The following KDM4C variants were observed in gnomAD, a reference collection of about 807,000 sequenced individuals.
KDM4C encodes the protein lysine-specific demethylase 4C.
A neutral mutation model predicts 129.3 loss-of-function variants in KDM4C; 81 were observed. The observed-to-expected ratio is 0.63, with a 90% CI of 0.52 to 0.75. The LOEUF (loss-of-function observed/expected upper bound fraction) is 0.75. Ranked by LOEUF, KDM4C falls within the 30% of genes least tolerant of loss-of-function variation. The pLI, the probability that KDM4C is intolerant of heterozygous loss-of-function variation, is 0.00. For missense variants in KDM4C, 1,457 were observed against 1,304.0 expected, an observed-to-expected ratio of 1.12 and a Z score of -1.81; for synonymous variants, 573 against 456.1, an observed-to-expected ratio of 1.26 and a Z score of -3.26.
chr9:6,983,505 G>T (rs975653799), intron 9 of KDM4C, among the ~76,000 whole-genome samples: 2 of 151,802 alleles, frequency 1.3e-5, no homozygotes, highest in Non-Finnish European at 1.5e-5. Flanking sequence ...GGGAGGCAGT[G>T]GGGGAGGATC....
intron 17 of KDM4C, among the ~76,000 whole-genome samples, chr9:7,070,279 A>G (rs1204448692): frequency 4.6e-5 from 7 of 152,328 alleles, no homozygotes; most frequent in African/African-American, 1.7e-4. Context: ...TCATTGGTGT[A>G]TTGTAAATTT....
chr9:6,949,024 G>C (rs1326943224), intron 8 of KDM4C, among the ~76,000 whole-genome samples: 2 of 152,146 alleles, frequency 1.3e-5, no homozygotes, highest in African/African-American at 2.4e-5. Context: ...GGTGGCGGCC[G>C]GGCAGAGGGG....
chr9:6,984,548 C>A (rs1012362918), intron 10 of KDM4C, 144 bp downstream of exon 10: 14 of 624,850 alleles, frequency 2.2e-5, no homozygotes, highest in African/African-American at 5.5e-5. Context: ...GTAACTCAAC[C>A]AATAGTCCCA....
At chr9:6,730,203 C>G (rs1817275007) in intron 1 of KDM4C, among the ~76,000 whole-genome samples, 1 of 152,150 alleles carries the variant, frequency 6.6e-6, no homozygotes, top group African/African-American at 2.4e-5. Context: ...GAAGAAAAAG[C>G]AACAGGGCTT....
At chr9:6,779,032 CTTTT>C (rs60503128) in intron 1 of KDM4C, among the ~76,000 whole-genome samples, 1 of 94,624 alleles carries the variant, frequency 1.1e-5, no homozygotes, top group Non-Finnish European at 1.9e-5. Context: ...TGATTAAAGT[CTTTT>C]TTTTTTTTTT....
intron 1 of KDM4C, among the ~76,000 whole-genome samples, chr9:6,741,917 GT>G (rs1013169067): frequency 2.7e-5 from 4 of 149,354 alleles, no homozygotes; most frequent in African/African-American, 9.9e-5. Flanking sequence ...CACAAATACA[GT>G]TTTTTCTTTT....
intron 1 of KDM4C, among the ~76,000 whole-genome samples, chr9:6,740,621 C>T (rs949704630): frequency 3.9e-5 from 6 of 152,038 alleles, no homozygotes; most frequent in South Asian, 2.1e-4. Context: ...TGGGTTCAAG[C>T]GATTCTCCTG....
At chr9:7,070,073 A>T (rs923917312) in intron 17 of KDM4C, among the ~76,000 whole-genome samples, 3 of 152,230 alleles carry the variant, frequency 2.0e-5, no homozygotes, top group South Asian at 4.1e-4. Context: ...GGAACAACAA[A>T]CAGACTGACA....
chr9:6,874,838 C>T (rs982976532), intron 5 of KDM4C, among the ~76,000 whole-genome samples: 2 of 151,820 alleles, frequency 1.3e-5, no homozygotes, highest in Non-Finnish European at 2.9e-5. Flanking sequence ...GCCTGTAATC[C>T]CAGCACTTTG....
chr9:7,013,669 A>G (rs1274717910), intron 13 of KDM4C, 119 bp from the exon 14 acceptor site: 2 of 914,590 alleles, frequency 2.2e-6, no homozygotes, highest in African/African-American at 3.4e-5. Flanking sequence ...CAAGGAGAAC[A>G]ACAGGAAGAA....
Position 6,742,739 on chromosome 9 carries a change from G to A in KDM4C, c.49+21742G>A, listed in dbSNP as rs970096578. 2.6e-5 allele frequency among the ~76,000 whole-genome samples: 4 copies of A among 151,594 alleles called. No individual in the cohort carries two copies. The South Asian group carries it at 6.2e-4, about 24-fold the overall frequency. On this transcript the variant is annotated intron_variant, in intron 1 of 17. Transcript: ENST00000536108. ...TGAGTAGGCTGGAGGGCAGTGGGGC[G>A]ATCTAAGAATCGCTTGAACCCCGGG...
At chr9:7,010,966 C>A (rs1254570467) in intron 12 of KDM4C, among the ~76,000 whole-genome samples, 3 of 152,090 alleles carry the variant, frequency 2.0e-5, no homozygotes, top group African/African-American at 7.2e-5. Context: ...ATGGCTTGAA[C>A]CCTGGAGGCG....
At chr9:6,754,824 G>A (rs140977764), upstream of KDM4C, among the ~76,000 whole-genome samples, 1,222 of 147,982 alleles carry the variant, frequency 8.3e-3, 19 homozygotes, top group African/African-American at 0.029. Context: ...GTATTGAGCC[G>A]TGATAGTGCC....
chr9:6,872,457 T>C (rs1221232176), intron 5 of KDM4C, among the ~76,000 whole-genome samples: 2 of 152,214 alleles, frequency 1.3e-5, no homozygotes, highest in African/African-American at 2.4e-5. Context: ...CTGTCTAATA[T>C]TAATAGTGGG....
At chr9:6,809,581 C>G (rs1485050279) in intron 3 of KDM4C, among the ~76,000 whole-genome samples, 1 of 152,190 alleles carries the variant, frequency 6.6e-6, no homozygotes, top group Non-Finnish European at 1.5e-5. Context: ...CAAAGGAATA[C>G]AAGGCTTCTG....
chr9:7,002,895 A>G (rs1011459212), intron 12 of KDM4C, among the ~76,000 whole-genome samples: 3 of 152,152 alleles, frequency 2.0e-5, no homozygotes. Context: ...GACTATTGCT[A>G]TGTCTGCCAG....
At chr9:6,979,486 G>A (rs1816388245) in intron 8 of KDM4C, among the ~76,000 whole-genome samples, 1 of 152,174 alleles carries the variant, frequency 6.6e-6, no homozygotes, top group Non-Finnish European at 1.5e-5. Flanking sequence ...GAATATACAT[G>A]TTGACTTGCT....
chr9:6,876,420 C>T (rs1843563442), intron 5 of KDM4C, among the ~76,000 whole-genome samples: 1 of 152,152 alleles, frequency 6.6e-6, no homozygotes, highest in African/African-American at 2.4e-5. Flanking sequence ...GTGAGGTAGA[C>T]TAGGTCTGAC....
In KDM4C at chr9:7,096,258, T is replaced by G; in HGVS notation, c.2425-7427T>G. Among the ~76,000 whole-genome samples, 2 of 152,356 alleles carry G rather than the reference T, an allele frequency of 1.3e-5. 1 individual carries two copies. Among genetic ancestry groups the G allele is most frequent in the Middle Eastern group, 6.8e-3 (2 of 294 alleles). ...CTGCTGTGTGCTATCAGCGAAGTGC[T>G]TCTTTCAACATGAGATTGTAATGTT... On this transcript the variant is annotated intron_variant, in intron 17 of 21. Coordinates refer to ENST00000381309, the MANE Select transcript of KDM4C (RefSeq NM_015061.6).
Sources: allele counts gnomAD v4.1 joint callset (sites outside exome capture counted in the v4.1 genomes callset), GRCh38; gene constraint gnomAD v4.1.1; transcripts MANE v1.5; gene names NCBI Gene and HGNC (gene_info 2026-07-23, HGNC 2026-07-21).